LINGO2: variants seen among roughly 807,000 people sequenced by gnomAD.
The protein encoded by LINGO2 is leucine-rich repeat and immunoglobulin-like domain-containing nogo receptor-interacting protein 2.
Under a neutral mutation model 30.6 loss-of-function variants are expected in LINGO2, and 14 were observed. That is an observed-to-expected ratio of 0.46 (90% CI 0.30 to 0.72). The LOEUF is 0.72. LINGO2 is among the 30% of genes least tolerant of loss of function. The pLI, the probability that LINGO2 is intolerant of heterozygous loss-of-function variation, is 0.07. For missense variants in LINGO2, 729 were observed against 751.7 expected, an observed-to-expected ratio of 0.97 and a Z score of 0.35; for synonymous variants, 317 against 288.5, an observed-to-expected ratio of 1.10 and a Z score of -1.00.
intron 5 of LINGO2, among the ~76,000 whole-genome samples, chr9:27,973,893 CAT>C (rs1211994038): frequency 6.6e-6 from 1 of 152,124 alleles, no homozygotes; most frequent in Non-Finnish European, 1.5e-5. Flanking sequence ...ATGACATTTA[CAT>C]ATAAGGCACA....
chr9:28,688,011 C>A, the LINGO2 span, among the ~76,000 whole-genome samples: 1 of 152,082 alleles, frequency 6.6e-6, no homozygotes, highest in Non-Finnish European at 1.5e-5. Context: ...TTGAAACCTT[C>A]CAAAAAGTTT....
chr9:28,812,722 A>C, the LINGO2 span, among the ~76,000 whole-genome samples: 1 of 152,218 alleles, frequency 6.6e-6, no homozygotes, highest in African/African-American at 2.4e-5. Flanking sequence ...TTCAAAAATC[A>C]GGAGCAAAGT....
the LINGO2 span, among the ~76,000 whole-genome samples, chr9:28,947,810 C>T: frequency 6.6e-6 from 1 of 151,762 alleles, no homozygotes; most frequent in Non-Finnish European, 1.5e-5. Flanking sequence ...GAATCACTTT[C>T]CTCTTACCAC....
the LINGO2 span, among the ~76,000 whole-genome samples, chr9:28,807,535 C>T: frequency 6.6e-6 from 1 of 152,134 alleles, no homozygotes; most frequent in Non-Finnish European, 1.5e-5. Flanking sequence ...AATTTCTACC[C>T]TTGAAATAGC....
At chr9:27,979,981 G>A (rs1347276490) in intron 5 of LINGO2, among the ~76,000 whole-genome samples, 1 of 151,894 alleles carries the variant, frequency 6.6e-6, no homozygotes, top group Non-Finnish European at 1.5e-5. Context: ...ACCTATTATG[G>A]AGGTTGGATT....
intron 4 of LINGO2, among the ~76,000 whole-genome samples, chr9:28,210,345 A>C (rs1820545957): frequency 6.6e-6 from 1 of 151,578 alleles, no homozygotes; most frequent in Admixed American, 6.6e-5. Context: ...ATAAAGTAAT[A>C]ATATTACTTT....
At chr9:27,939,841 G>C in the LINGO2 span, 2 of 152,096 alleles carry the variant, frequency 1.3e-5, no homozygotes, top group African/African-American at 2.4e-5. Context: ...GTTAGAAAAG[G>C]GTTCACATAA....
At chr9:28,654,008 T>C (rs1439773445) in intron 1 of LINGO2, among the ~76,000 whole-genome samples, 1 of 152,160 alleles carries the variant, frequency 6.6e-6, no homozygotes, top group Admixed American at 6.6e-5. Flanking sequence ...CTATTTTACA[T>C]GTCAATGCTA....
chr9:28,286,971 T>C (rs1208966565), intron 4 of LINGO2, among the ~76,000 whole-genome samples: 1 of 152,096 alleles, frequency 6.6e-6, no homozygotes, highest in African/African-American at 2.4e-5. Context: ...GTTAAAAAAA[T>C]ATATAGAAGT....
the LINGO2 span, among the ~76,000 whole-genome samples, chr9:28,812,496 T>C: frequency 2.5e-4 from 38 of 152,310 alleles, no homozygotes; most frequent in African/African-American, 9.1e-4. Flanking sequence ...GGGAACAATG[T>C]CTATGCAAAT....
At chr9:28,692,482 A>G in the LINGO2 span, among the ~76,000 whole-genome samples, 1 of 152,184 alleles carries the variant, frequency 6.6e-6, no homozygotes, top group Non-Finnish European at 1.5e-5. Flanking sequence ...CTCAAAAAAT[A>G]AAAACAAAAA....
At chr9:28,729,767 G>T in the LINGO2 span, among the ~76,000 whole-genome samples, 1 of 151,718 alleles carries the variant, frequency 6.6e-6, no homozygotes, top group African/African-American at 2.4e-5. Flanking sequence ...ATTCCAAAAA[G>T]AAAGAATAAA....
intron 4 of LINGO2, among the ~76,000 whole-genome samples, chr9:28,282,460 G>A (rs1009033639): frequency 6.6e-6 from 1 of 151,162 alleles, no homozygotes; most frequent in African/African-American, 2.4e-5. Context: ...AGAAGGTTCT[G>A]GTTTAAGAAT....
intron 3 of LINGO2, among the ~76,000 whole-genome samples, chr9:28,365,565 G>A (rs1820632453): frequency 1.4e-5 from 2 of 144,768 alleles, no homozygotes; most frequent in South Asian, 4.3e-4. Context: ...GATTGCTGAG[G>A]TAGCAAGTGA....
At chr9:28,958,979 T>C in the LINGO2 span, among the ~76,000 whole-genome samples, 1 of 152,160 alleles carries the variant, frequency 6.6e-6, no homozygotes, top group South Asian at 2.1e-4. Flanking sequence ...ACAGGATCAC[T>C]CAGATAACTT....
Position 28,147,214 on chromosome 9 carries a change from T to C in LINGO2, c.-86-134809A>G, listed in dbSNP as rs999709800. ...CCAGGACTACAGGAAAAAATAAGAATAGATGTTGTATCCATGATCATGAGG... is the reference window on the plus strand; with the variant it reads ...CCAGGACTACAGGAAAAAATAAGAACAGATGTTGTATCCATGATCATGAGG... On this transcript the variant is annotated intron_variant, in intron 4 of 5. Transcript: ENST00000379992. The surrounding 1 kb of genome is among the most constrained non-coding windows in gnomAD (Gnocchi z 4.7). Among the ~76,000 whole-genome samples the C allele has an allele frequency of 6.6e-6, 1 of 152,144 alleles. No individual in the cohort carries two copies. Among genetic ancestry groups the C allele is most frequent in the African/African-American group, 2.4e-5 (1 of 41,428 alleles).
intron 1 of LINGO2, among the ~76,000 whole-genome samples, chr9:28,645,144 T>C (rs909928214): frequency 3.3e-5 from 5 of 152,138 alleles, no homozygotes; most frequent in African/African-American, 1.2e-4. Context: ...TCTAGGTTTA[T>C]ATACTATACC....
chr9:28,641,895 G>A (rs555507892), intron 1 of LINGO2, among the ~76,000 whole-genome samples: 33 of 152,250 alleles, frequency 2.2e-4, no homozygotes, highest in African/African-American at 7.7e-4. Flanking sequence ...GGGCTGTGGA[G>A]ATCTTAAGAA....
chr9:29,012,767 G>A, the LINGO2 span, among the ~76,000 whole-genome samples: 1 of 152,040 alleles, frequency 6.6e-6, no homozygotes, highest in Non-Finnish European at 1.5e-5. Flanking sequence ...CAAAGTAACT[G>A]TCACAAAACA....
Sources: allele counts gnomAD v4.1 joint callset (sites outside exome capture counted in the v4.1 genomes callset), GRCh38; gene constraint gnomAD v4.1.1; non-coding constraint Gnocchi (gnomAD v3.1); transcripts MANE v1.5; gene names NCBI Gene and HGNC (gene_info 2026-07-23, HGNC 2026-07-21).